Variants in BMPER observed in about 807,000 individuals in gnomAD.
BMPER encodes BMP-binding endothelial regulator protein.
A neutral mutation model predicts 87.3 loss-of-function variants in BMPER; 45 were observed. That is an observed-to-expected ratio of 0.52 (90% CI 0.41 to 0.66). The LOEUF is 0.66. BMPER is among the 30% of genes least tolerant of loss of function. BMPER has a pLI of 0.00. For synonymous variants in BMPER, 326 were observed against 316.2 expected, an observed-to-expected ratio of 1.03 and a Z score of -0.33; for missense variants, 784 against 867.5, an observed-to-expected ratio of 0.90 and a Z score of 1.21.
intron 12 of BMPER, 108 bp from the exon 13 acceptor site, chr7:34,085,648 C>A: frequency 9.2e-7 from 1 of 1,087,190 alleles, no homozygotes. Flanking sequence ...CTTGGTGCTC[C>A]TTATTGGAGG....
At chr7:34,135,069 T>C (rs1044375062) in intron 13 of BMPER, among the ~76,000 whole-genome samples, 5 of 152,190 alleles carry the variant, frequency 3.3e-5, no homozygotes, top group African/African-American at 1.2e-4. Flanking sequence ...GTTAGGAGGA[T>C]TTAAAAATAA....
chr7:34,105,566 T>A (rs1225349429), intron 13 of BMPER, among the ~76,000 whole-genome samples: 2 of 152,348 alleles, frequency 1.3e-5, no homozygotes, highest in Admixed American at 1.3e-4. Context: ...CAAGTCTTGT[T>A]ATTTTCCAAT....
At chr7:34,033,679 AT>A (rs750028132) in intron 6 of BMPER, among the ~76,000 whole-genome samples, 1 of 152,202 alleles carries the variant, frequency 6.6e-6, no homozygotes, top group Admixed American at 6.5e-5. Context: ...AGCCCTGGGC[AT>A]TTTCTGAGGG....
intron 12 of BMPER, among the ~76,000 whole-genome samples, chr7:34,081,641 C>T (rs1789051413): frequency 6.6e-6 from 1 of 152,214 alleles, no homozygotes; most frequent in Admixed American, 6.5e-5. Context: ...TAAAATATTT[C>T]CTTTCTACCA....
At chr7:33,917,676 CA>C (rs1199088882) in intron 2 of BMPER, among the ~76,000 whole-genome samples, 1 of 152,146 alleles carries the variant, frequency 6.6e-6, no homozygotes, top group African/African-American at 2.4e-5. Flanking sequence ...GGATAGAATA[CA>C]AATAAGGAAG....
chr7:33,970,210 C>T (rs992789040), intron 4 of BMPER, 119 bp from the exon 5 acceptor site: 2 of 958,964 alleles, frequency 2.1e-6, no homozygotes, highest in South Asian at 2.6e-5. Flanking sequence ...CTCGCCCTGA[C>T]ACCCACCAAA....
At chr7:34,047,841 T>TCCTTCCTCCCTTCC (rs1359199300) in intron 7 of BMPER, among the ~76,000 whole-genome samples, 1 of 146,150 alleles carries the variant, frequency 6.8e-6, no homozygotes. Flanking sequence ...CTTGCTTTCT[T>TCCTTCCTCCCTTCC]TCTCTTTCTA....
intron 6 of BMPER, among the ~76,000 whole-genome samples, chr7:33,993,764 G>A (rs552366103): frequency 6.6e-6 from 1 of 152,058 alleles, no homozygotes; most frequent in Non-Finnish European, 1.5e-5. Context: ...TCTACTTTTG[G>A]TCTTTGATGA....
At chr7:33,905,212 C>G, upstream of BMPER, 1 of 305,646 alleles carries the variant, frequency 3.3e-6, no homozygotes, top group East Asian at 9.3e-5. Flanking sequence ...GTAGCGGCAG[C>G]CCGGGCGGCG....
rs140296806 is a variant in BMPER at position 34,108,026 on chromosome 7, AT to A, written c.1745+21937del. ...TTAAAAATGCTACGCATGTATACTCATTTGCCAGTGTTGAGTACAGGAAACA... is the reference window on the plus strand; with the variant it reads ...TTAAAAATGCTACGCATGTATACTCATTGCCAGTGTTGAGTACAGGAAACA... On this transcript the variant is annotated intron_variant, in intron 13 of 14. Transcript: ENST00000649409. Among the ~76,000 whole-genome samples the A allele has an allele frequency of 4.4e-3, 663 of 152,338 alleles. 3 individuals are homozygous for A. Among genetic ancestry groups the A allele is most frequent in the African/African-American group, 0.014 (589 of 41,572 alleles).
intron 2 of BMPER, among the ~76,000 whole-genome samples, chr7:33,931,432 G>C (rs888281685): frequency 2.0e-5 from 3 of 152,160 alleles, no homozygotes; most frequent in Admixed American, 2.0e-4. Flanking sequence ...TAAGAAACCT[G>C]TGAGGATTAA....
chr7:34,088,922 G>A (rs1437533610), intron 13 of BMPER, among the ~76,000 whole-genome samples: 2 of 152,088 alleles, frequency 1.3e-5, no homozygotes, highest in Admixed American at 6.5e-5. Context: ...ACTTCCTCCA[G>A]GTAGTGTAAG....
At chr7:33,985,127 T>C (rs920095550) in intron 6 of BMPER, among the ~76,000 whole-genome samples, 1 of 152,196 alleles carries the variant, frequency 6.6e-6, no homozygotes, top group Non-Finnish European at 1.5e-5. Context: ...GCCTTTCTTG[T>C]GCCACATATA....
intron 13 of BMPER, among the ~76,000 whole-genome samples, chr7:34,104,722 A>G (rs1422362499): frequency 2.0e-5 from 3 of 152,182 alleles, no homozygotes; most frequent in African/African-American, 7.2e-5. Flanking sequence ...ATGAACTCAG[A>G]CACATTCTGC....
chr7:34,063,001 C>T (rs1390279257), intron 11 of BMPER, among the ~76,000 whole-genome samples: 2 of 152,210 alleles, frequency 1.3e-5, no homozygotes, highest in African/African-American at 2.4e-5. Flanking sequence ...ATAGCAATAG[C>T]TTCATATCAT....
intron 13 of BMPER, among the ~76,000 whole-genome samples, chr7:34,086,704 G>A (rs1243322979): frequency 1.3e-5 from 2 of 152,172 alleles, no homozygotes; most frequent in Non-Finnish European, 2.9e-5. Flanking sequence ...TAAGACTCAG[G>A]ACTCCATAAC....
Position 34,051,983 on chromosome 7 carries a change from T to TG in BMPER, c.786+14dup. 1 of 1,596,404 alleles carries TG rather than the reference T, an allele frequency of 6.3e-7. No individual in the cohort carries two copies. The highest frequency in any genetic ancestry group is 1.1e-5 in the South Asian group (1 of 90,734). ...TTGTACCTGCAGGGTAAGGCAGCTC[T>TG]GAGAGGCTGTGGTCCAGCAATGATA... On this transcript the variant is annotated intron_variant, in intron 8 of 14. Transcript: ENST00000649409.
intron 2 of BMPER, 72 bp from the exon 3 acceptor site, chr7:33,937,217 C>T (rs1436546815): frequency 1.3e-6 from 2 of 1,502,534 alleles, no homozygotes; most frequent in Non-Finnish European, 9.3e-7. Flanking sequence ...CGGGAAACCT[C>T]TGTGGTGTGT....
chr7:34,109,386 T>C (rs1226854780), intron 13 of BMPER, among the ~76,000 whole-genome samples: 1 of 152,208 alleles, frequency 6.6e-6, no homozygotes, highest in African/African-American at 2.4e-5. Flanking sequence ...TCTACCAATT[T>C]AAATGTTCAT....
Sources: allele counts gnomAD v4.1 joint callset (sites outside exome capture counted in the v4.1 genomes callset), GRCh38; gene constraint gnomAD v4.1.1; transcripts MANE v1.5; gene names NCBI Gene and HGNC (gene_info 2026-07-23, HGNC 2026-07-21).